The following MSTN variants were observed in gnomAD, a reference collection of about 807,000 sequenced individuals.
MSTN encodes the protein myostatin, also known as growth/differentiation factor 8.
A neutral mutation model predicts 32.3 loss-of-function variants in MSTN; 12 were observed. The ratio of observed to expected loss-of-function variants is 0.37; its 90% confidence interval spans 0.24 to 0.60. The LOEUF (loss-of-function observed/expected upper bound fraction) is 0.60. MSTN is among the 20% of genes least tolerant of loss of function. The pLI, the probability that MSTN is intolerant of heterozygous loss-of-function variation, is 0.67. For missense variants in MSTN, 403 were observed against 450.3 expected, an observed-to-expected ratio of 0.89 and a Z score of 0.95; for synonymous variants, 168 against 155.1, an observed-to-expected ratio of 1.08 and a Z score of -0.62.
At chr2:190,060,716 A>G (rs1685570570) in intron 1 of MSTN, among the ~76,000 whole-genome samples, 1 of 152,022 alleles carries the variant, frequency 6.6e-6, no homozygotes, top group African/African-American at 2.4e-5. Flanking sequence ...TGAAGTAATG[A>G]ACGCTGAATG....
At chr2:190,058,351 A>G (rs1051452064) in intron 2 of MSTN, among the ~76,000 whole-genome samples, 3 of 152,044 alleles carry the variant, frequency 2.0e-5, no homozygotes, top group African/African-American at 7.2e-5. Flanking sequence ...TGATCATTAA[A>G]ATTCTACCTA....
rs1685463959 is a variant in MSTN at position 190,057,350 on chromosome 2, A to T, written c.1036T>A (p.Ser346Thr). The T allele has an allele frequency of 6.2e-7, 1 of 1,613,574 alleles. No individual in the cohort carries two copies. The highest frequency in any genetic ancestry group is 8.5e-7 in the Non-Finnish European group (1 of 1,179,604). Reference protein sequence around the residue: ...AGPCCTPTKMSPINMLYFNGK... With the variant: ...AGPCCTPTKMTPINMLYFNGK... ...TTAAAATATAGCATATTAATTGGAGACATCTTTGTGGGAGTACAGCAAGGG... is the reference window on the plus strand; with the variant it reads ...TTAAAATATAGCATATTAATTGGAGTCATCTTTGTGGGAGTACAGCAAGGG... The change falls in exon 3 of 3, where the codon TCT becomes ACT. Residue 346 changes from serine (S) to threonine (T), a missense_variant. Transcript: ENST00000260950.
Position 190,057,303 on chromosome 2 carries a change from A to T in MSTN, c.1083T>A (p.Tyr361Ter). Reference protein sequence around the residue: ...LYFNGKEQIIYGKIPAMVVDR... With the variant: ...LYFNGKEQII ...CTACTACCATCGCTGGAATTTTCCC[A>T]TATATTATTTGTTCTTTGCCATTAA... Residue 361 changes from tyrosine to a stop codon, truncating the protein, a stop_gained, in exon 3 of 3, where the codon TAT (tyrosine) becomes TAA (stop). Coordinates refer to ENST00000260950, the MANE Select transcript of MSTN (RefSeq NM_005259.3). LOFTEE classifies it high-confidence loss of function. The T allele has an allele frequency of 6.2e-7, 1 of 1,613,430 alleles. No individual in the cohort carries two copies. Among genetic ancestry groups the T allele is most frequent in the Non-Finnish European group, 8.5e-7 (1 of 1,179,536 alleles).
rs2293284 is a variant in MSTN, at chr2:190,060,519, T to A, written c.374-84A>T. On this transcript the variant is annotated intron_variant, in intron 1 of 2. Transcript: ENST00000260950. Reference sequence around the variant, plus strand: ...CCATATTAATAGTTGAGCATTTTTTTAAATTAAGATAATGTATGCCTATGC... The same window carrying A: ...CCATATTAATAGTTGAGCATTTTTTAAAATTAAGATAATGTATGCCTATGC... 0.041 allele frequency: 50,064 copies of A among 1,230,538 alleles called. 3,472 individuals carry two copies. Among genetic ancestry groups the A allele is most frequent in the African/African-American group, 0.25 (16,376 of 65,890 alleles). 76.2% of individuals were successfully genotyped at this position (1,230,538 alleles called of 1,614,324 possible).
Position 190,062,505 on chromosome 2 carries a change from T to A in MSTN, c.92A>T (p.Glu31Val). The A allele has an allele frequency of 1.2e-6, 2 of 1,613,556 alleles. No homozygotes were observed. The highest frequency in any genetic ancestry group is 1.7e-6 in the Non-Finnish European group (2 of 1,179,640). Residue 31 changes from glutamate to valine, a missense_variant, in exon 1 of 3, where the codon GAA becomes GTA. Physicochemically the swap from Glu to Val is moderately radical, Grantham distance 121. Coordinates refer to ENST00000260950, the MANE Select transcript of MSTN (RefSeq NM_005259.3). ...ACACAGCCCCTCTTTTTCCACATTT[T>A]CTTTTTGCTCACTGTTCTCATTTAG... ...VDLNENSEQK[E>V]NVEKEGLCNA... is the part of the protein sequence containing the mutation.
rs1053107460 is a variant in MSTN, at chr2:190,057,152, A to G, written c.*106T>C. On this transcript the variant is annotated 3_prime_UTR_variant, in exon 3 of 3. Coordinates refer to ENST00000260950, the MANE Select transcript of MSTN (RefSeq NM_005259.3). ...CTGTAGCTTATGCTTAAGTGACTGT[A>G]GCATACTCTAGGCCTATAGCCTGTG... The G allele has an allele frequency of 3.3e-6, 4 of 1,203,558 alleles. No individual in the cohort carries two copies. The highest frequency in any genetic ancestry group is 1.3e-5 in the South Asian group (1 of 75,574). 74.6% of individuals were successfully genotyped at this position (1,203,558 alleles called of 1,614,324 possible).
rs369290669 is a variant in MSTN, at chr2:190,060,258, G to A, written c.551C>T (p.Thr184Ile). The A allele has an allele frequency of 1.5e-4, 234 of 1,612,984 alleles. No individual in the cohort carries two copies. The highest frequency in any genetic ancestry group is 1.9e-4 in the Non-Finnish European group (221 of 1,179,282). Residue 184 changes from threonine to isoleucine, a missense_variant, in exon 2 of 3, where the codon ACA becomes ATA. Transcript: ENST00000260950. ...LRLIKPMKDG[T>I]RYTGIRSLKL... ...CAGAGATCGGATTCCAGTATACCTT[G>A]TACCGTCTTTCATAGGTTTGATGAG...
At position 190,056,617 on chromosome 2, in the gene MSTN, A is replaced by T. The variant is rs1287670074; in HGVS notation, c.*641T>A. ...GTAGGAAAATGCACCTGAAGAAAAG[A>T]GAAACTTACTATTTTACTGAATGTT... On this transcript the variant is annotated 3_prime_UTR_variant, in exon 3 of 3. Transcript: ENST00000260950. 6.6e-6 allele frequency: 1 copy of T among 152,608 alleles called. No homozygotes were observed. The highest frequency in any genetic ancestry group is 1.5e-5 in the Non-Finnish European group (1 of 68,022). 9.5% of individuals were successfully genotyped at this position (152,608 alleles called of 1,614,324 possible). A position where few individuals can be genotyped will look rare whatever the true frequency, so the allele number is the denominator to read the frequency against.
Position 190,055,942 on chromosome 2 carries a change from G to C in MSTN, c.*1316C>G, listed in dbSNP as rs1253469843. 2 of 152,340 alleles carry C rather than the reference G, an allele frequency of 1.3e-5. No homozygotes were observed. The allele number at this position is 152,340 out of a possible 1,614,324, so 9.4% of individuals were successfully genotyped here. A position where few individuals can be genotyped will look rare whatever the true frequency, so the allele number is the denominator to read the frequency against. ...TTCAGATAATAGAGTCAATTATTTTGGTATACTTAGTAATGTTTTTGCAAG... is the reference window on the plus strand; with the variant it reads ...TTCAGATAATAGAGTCAATTATTTTCGTATACTTAGTAATGTTTTTGCAAG... On this transcript the variant is annotated 3_prime_UTR_variant, in exon 3 of 3. Coordinates refer to ENST00000260950, the MANE Select transcript of MSTN (RefSeq NM_005259.3).
chr2:190,060,204 A>T lies in MSTN; in HGVS notation c.605T>A (p.Ile202Asn). 1 of 1,613,114 alleles carries T rather than the reference A, an allele frequency of 6.2e-7. No individual in the cohort carries two copies. Among genetic ancestry groups the T allele is most frequent in the Non-Finnish European group, 8.5e-7 (1 of 1,179,308 alleles). ...TGTCTTCACATCAATGCTCTGCCAA[A>T]TACCAGTGCCTGGGTTCATGTCAAG... ...LKLDMNPGTG[I>N]WQSIDVKTVL... The change falls in exon 2 of 3, where the codon ATT becomes AAT. Residue 202 changes from isoleucine to asparagine, a missense_variant. Ile to Asn is a moderately radical substitution (Grantham distance 149). Coordinates refer to ENST00000260950, the MANE Select transcript of MSTN (RefSeq NM_005259.3).
chr2:190,062,627 GTTC>G lies in MSTN; in HGVS notation c.-34_-32del. The G allele has an allele frequency of 6.2e-7, 1 of 1,600,186 alleles. No homozygotes were observed. Among genetic ancestry groups the G allele is most frequent in the Non-Finnish European group, 8.5e-7 (1 of 1,172,806 alleles). On this transcript the variant is annotated 5_prime_UTR_variant, in exon 1 of 3. Coordinates refer to ENST00000260950, the MANE Select transcript of MSTN (RefSeq NM_005259.3). ...TAAAATCAATATAATCTTTTTTCTTGTTCTTGTTTCTTCCTTTTACTTTTCTTT... is the reference window on the plus strand; with the variant it reads ...TAAAATCAATATAATCTTTTTTCTTGTTGTTTCTTCCTTTTACTTTTCTTT...
chr2:190,062,380 T>A lies in MSTN; in HGVS notation c.217A>T (p.Ser73Cys), dbSNP rs1685621615. ...KLRLETAPNI[S>C]KDVIRQLLPK... ...AAAAGTTGTCTTATAACATCTTTGCTGATGTTAGGAGCTGTTTCCAGACGA... is the reference window on the plus strand; with the variant it reads ...AAAAGTTGTCTTATAACATCTTTGCAGATGTTAGGAGCTGTTTCCAGACGA... The change falls in exon 1 of 3, where the codon AGC becomes TGC. Residue 73 changes from serine to cysteine, a missense_variant. Transcript: ENST00000260950. 1 of 1,613,326 alleles carries A rather than the reference T, an allele frequency of 6.2e-7. No homozygotes were observed. Among genetic ancestry groups the A allele is most frequent in the Non-Finnish European group, 8.5e-7 (1 of 1,179,560 alleles).
chr2:190,059,136 T>A (rs16832288), intron 2 of MSTN, among the ~76,000 whole-genome samples: 14,140 of 151,930 alleles, frequency 0.093, 1,396 homozygotes, highest in African/African-American at 0.24. Context: ...GATCATTGAA[T>A]GATTACAAAG....
chr2:190,060,072 TCTC>T lies in MSTN; in HGVS notation c.734_736del (p.Gly245del). On this transcript the variant is annotated inframe_deletion, in exon 2 of 3. Transcript: ENST00000260950. ...TCAGTTATCACTTACCAGCCCATCT[TCTC>T]CTGGTCCTGGGAAGGTTACAGCAAG... The T allele has an allele frequency of 2.5e-6, 4 of 1,612,234 alleles. No homozygotes were observed. Among genetic ancestry groups the T allele is most frequent in the Non-Finnish European group, 2.5e-6 (3 of 1,178,678 alleles).
In MSTN at chr2:190,060,326, T is replaced by A. The variant is rs368592643; in HGVS notation, c.483A>T (p.Arg161Ser). 2.5e-6 allele frequency: 4 copies of A among 1,612,970 alleles called. No homozygotes were observed. In the Admixed American group the frequency reaches 6.7e-5, roughly 27 times the overall value. The change falls in exon 2 of 3, where the codon AGA becomes AGT. Residue 161 changes from arginine (R) to serine (S), a missense_variant. Physicochemically the swap from Arg to Ser is moderately radical, Grantham distance 110. Coordinates refer to ENST00000260950, the MANE Select transcript of MSTN (RefSeq NM_005259.3). The stretch of plus-strand genomic sequence containing the variant: ...ACACTGTTGTAGGAGTCTCGACGGG[T>A]CTCAAATATATCCATAGTTGGGCCT... Reference protein sequence around the residue: ...VVKAQLWIYLRPVETPTTVFV... With the variant: ...VVKAQLWIYLSPVETPTTVFV...
In MSTN at chr2:190,062,341, G is replaced by C; in HGVS notation, c.256C>G (p.Pro86Ala). The change falls in exon 1 of 3, where the codon CCA becomes GCA. Residue 86 changes from proline (P) to alanine (A), a missense_variant. Pro to Ala is a conservative substitution (Grantham distance 27). Transcript: ENST00000260950. ...VIRQLLPKAP[P>A]LRELIDQYDV... ...TACTGATCAATCAGTTCCCGGAGTG[G>C]AGGAGCTTTGGGTAAAAGTTGTCTT... 6.2e-7 allele frequency: 1 copy of C among 1,613,284 alleles called. No homozygotes were observed. Among genetic ancestry groups the C allele is most frequent in the Non-Finnish European group, 8.5e-7 (1 of 1,179,490 alleles).
rs1271593255 is a variant in MSTN, at chr2:190,060,178, C to A, written c.631G>T (p.Val211Leu). Residue 211 changes from valine to leucine, a missense_variant, in exon 2 of 3, where the codon GTG becomes TTG. Val to Leu is a conservative substitution (Grantham distance 32). Coordinates refer to ENST00000260950, the MANE Select transcript of MSTN (RefSeq NM_005259.3). ...GIWQSIDVKTVLQNWLKQPES... is the reference protein window; with the variant it reads ...GIWQSIDVKTLLQNWLKQPES... ...GGTTGTTTGAGCCAATTTTGCAACACTGTCTTCACATCAATGCTCTGCCAA... is the reference window on the plus strand; with the variant it reads ...GGTTGTTTGAGCCAATTTTGCAACAATGTCTTCACATCAATGCTCTGCCAA... 6.2e-7 allele frequency: 1 copy of A among 1,613,044 alleles called. No homozygotes were observed. Among genetic ancestry groups the A allele is most frequent in the South Asian group, 1.1e-5 (1 of 91,028 alleles).
rs1055681318 is a variant in MSTN at position 190,062,260 on chromosome 2, C to G, written c.337G>C (p.Ala113Pro). 1 of 1,612,986 alleles carries G rather than the reference C, an allele frequency of 6.2e-7. No individual in the cohort carries two copies. The stretch of plus-strand genomic sequence containing the variant: ...ATGGTAATGATTGTTTCCGTTGTAG[C>G]GTGATAATCGTCATCTTCCAAAGAG... Reference protein sequence around the residue: ...DGSLEDDDYHATTETIITMPT... With the variant: ...DGSLEDDDYHPTTETIITMPT... Residue 113 changes from alanine (A) to proline (P), a missense_variant, in exon 1 of 3, where the codon GCT becomes CCT. Coordinates refer to ENST00000260950, the MANE Select transcript of MSTN (RefSeq NM_005259.3).
Position 190,060,386 on chromosome 2 carries a change from T to C in MSTN, c.423A>G (p.Lys141=), listed in dbSNP as rs755715730. 1.2e-6 allele frequency: 2 copies of C among 1,611,090 alleles called. No homozygotes were observed. Among genetic ancestry groups the C allele is most frequent in the Non-Finnish European group, 1.7e-6 (2 of 1,178,758 alleles). ...VDGKPKCCFF[K]FSSKIQYNKV... is the part of the protein sequence containing the mutation. ...TATTGTATTGTATTTTAGAGCTAAA[T>C]TTAAAGAAGCAACATTTGGGTTTTC... Residue 141 remains lysine (K), a synonymous_variant, in exon 2 of 3, where the codon AAA becomes AAG. Coordinates refer to ENST00000260950, the MANE Select transcript of MSTN (RefSeq NM_005259.3).
Sources: allele counts gnomAD v4.1 joint callset (sites outside exome capture counted in the v4.1 genomes callset), GRCh38; gene constraint gnomAD v4.1.1; transcripts MANE v1.5; gene names NCBI Gene and HGNC (gene_info 2026-07-23, HGNC 2026-07-21).